Variants in EEFSEC observed in about 807,000 individuals in gnomAD.
EEFSEC encodes the protein eukaryotic elongation factor, selenocysteine-tRNA specific, also known as selenocysteine-specific elongation factor.
EEFSEC carries 43 observed loss-of-function variants against 42.1 expected under a neutral mutation model. The ratio of observed to expected loss-of-function variants is 1.02; its 90% confidence interval spans 0.80 to 1.32. EEFSEC has a LOEUF of 1.32. EEFSEC is among the 40% of genes most tolerant of loss of function. The pLI is 0.00. For synonymous variants in EEFSEC, 354 were observed against 339.1 expected (o/e 1.04, Z -0.48); for missense variants, 745 against 803.6 (o/e 0.93, Z 0.88).
chr3:128,290,491 G>A (rs1171714343), intron 4 of EEFSEC, among the ~76,000 whole-genome samples: 1 of 151,758 alleles, frequency 6.6e-6, no homozygotes, highest in Non-Finnish European at 1.5e-5. Context: ...TTGAAATGAG[G>A]TAATATGAAT....
chr3:128,158,991 T>A (rs1358004737), intron 1 of EEFSEC, among the ~76,000 whole-genome samples: 1 of 152,368 alleles, frequency 6.6e-6, no homozygotes, highest in East Asian at 1.9e-4. Context: ...GTAGGGAGAT[T>A]TATCTTCTTA....
At position 128,405,086 on chromosome 3, in the gene EEFSEC, G is replaced by A. The variant is rs573576330; in HGVS notation, c.1601-2983G>A. ...GGCTGGAGTGCAGTAGCGCAATCTCGGCTCACTGCAAGCTCCACCTCCCTG... is the reference window on the plus strand; with the variant it reads ...GGCTGGAGTGCAGTAGCGCAATCTCAGCTCACTGCAAGCTCCACCTCCCTG... On this transcript the variant is annotated intron_variant, in intron 6 of 6. Coordinates refer to ENST00000254730, the MANE Select transcript of EEFSEC (RefSeq NM_021937.5). Among the ~76,000 whole-genome samples, 135 of 151,118 alleles carry A rather than the reference G, an allele frequency of 8.9e-4. No homozygotes were observed. In the Middle Eastern group the frequency reaches 0.01, roughly 11 times the overall value.
chr3:128,403,869 T>G (rs1006949515), intron 6 of EEFSEC, among the ~76,000 whole-genome samples: 13 of 152,238 alleles, frequency 8.5e-5, no homozygotes, highest in African/African-American at 3.1e-4. Context: ...TGCTGTTTCC[T>G]TCGCCACCCT....
At chr3:128,357,017 A>C (rs1209660662) in intron 5 of EEFSEC, among the ~76,000 whole-genome samples, 1 of 152,228 alleles carries the variant, frequency 6.6e-6, no homozygotes, top group Non-Finnish European at 1.5e-5. Context: ...CATCAGCGGG[A>C]TGCATTCCTA....
At chr3:128,172,421 A>G (rs2065308249) in intron 1 of EEFSEC, among the ~76,000 whole-genome samples, 1 of 152,242 alleles carries the variant, frequency 6.6e-6, no homozygotes, top group Non-Finnish European at 1.5e-5. Flanking sequence ...AAAGATGTCC[A>G]TAAATAAAGC....
chr3:128,342,255 C>T (rs2067264036), intron 5 of EEFSEC, among the ~76,000 whole-genome samples: 1 of 152,262 alleles, frequency 6.6e-6, no homozygotes, highest in East Asian at 1.9e-4. Context: ...CCCTGGCCTG[C>T]TGCCCTGATC....
At chr3:128,376,390 C>G (rs1443739394) in intron 6 of EEFSEC, among the ~76,000 whole-genome samples, 2 of 152,214 alleles carry the variant, frequency 1.3e-5, no homozygotes, top group African/African-American at 2.4e-5. Context: ...CCTGCACAGC[C>G]ACAGCCCTTC....
chr3:128,318,161 T>G (rs902753795), intron 4 of EEFSEC, among the ~76,000 whole-genome samples: 2 of 152,198 alleles, frequency 1.3e-5, no homozygotes, highest in South Asian at 2.1e-4. Context: ...GCATGAAGCT[T>G]GCATGGCGCC....
At chr3:128,173,684 C>T (rs1375823404) in intron 1 of EEFSEC, among the ~76,000 whole-genome samples, 1 of 152,180 alleles carries the variant, frequency 6.6e-6, no homozygotes, top group Non-Finnish European at 1.5e-5. Context: ...TGTTCCTGCA[C>T]AGCCTATCTG....
chr3:128,219,183 C>A (rs1011988986), intron 1 of EEFSEC, among the ~76,000 whole-genome samples: 1 of 152,230 alleles, frequency 6.6e-6, no homozygotes, highest in African/African-American at 2.4e-5. Flanking sequence ...GCTATCCTGG[C>A]CCCAGCCACC....
intron 4 of EEFSEC, among the ~76,000 whole-genome samples, chr3:128,331,303 T>C (rs1365713869): frequency 8.4e-4 from 8 of 9,514 alleles, no homozygotes; most frequent in South Asian, 0.02. Context: ...TGCATCTCCC[T>C]TCTTCCCCCC....
At chr3:128,246,523 T>C (rs2066129358) in intron 1 of EEFSEC, among the ~76,000 whole-genome samples, 1 of 152,120 alleles carries the variant, frequency 6.6e-6, no homozygotes, top group Non-Finnish European at 1.5e-5. Context: ...AGTGATAGGA[T>C]TGGTGCAATA....
chr3:128,181,204 C>T (rs2065401885), intron 1 of EEFSEC, among the ~76,000 whole-genome samples: 1 of 152,220 alleles, frequency 6.6e-6, no homozygotes, highest in Non-Finnish European at 1.5e-5. Context: ...TAAGGGGCCC[C>T]ATCTTTTCCA....
intron 1 of EEFSEC, among the ~76,000 whole-genome samples, chr3:128,242,907 A>C (rs980502433): frequency 7.2e-5 from 11 of 152,164 alleles, no homozygotes; most frequent in African/African-American, 2.4e-4. Context: ...CTCTAGTCTC[A>C]GAGCGATTTT....
chr3:128,223,105 T>C (rs1458140645), intron 1 of EEFSEC, among the ~76,000 whole-genome samples: 2 of 152,208 alleles, frequency 1.3e-5, no homozygotes, highest in Non-Finnish European at 2.9e-5. Context: ...GTCATACCTA[T>C]GTAATGAAAC....
intron 5 of EEFSEC, among the ~76,000 whole-genome samples, chr3:128,351,443 T>C (rs767335525): frequency 3.3e-5 from 5 of 152,210 alleles, no homozygotes; most frequent in Non-Finnish European, 5.9e-5. Flanking sequence ...CTCAAGGTCA[T>C]AGAGCTGTAA....
chr3:128,341,435 A>G lies in EEFSEC; in HGVS notation c.989A>G (p.Gln330Arg), dbSNP rs1559929401. The change falls in exon 5 of 7, where the codon CAA becomes CGA. Residue 330 changes from glutamine to arginine, a missense_variant. Coordinates refer to ENST00000254730, the MANE Select transcript of EEFSEC (RefSeq NM_021937.5). ...EKIPYFRGPL[Q>R]TKAKFHITVG... is the part of the protein sequence containing the mutation. ...ATACCGTATTTCCGGGGGCCCCTGC[A>G]AACCAAGGCCAAGTTCCACATTACA... is the stretch of plus-strand genomic sequence containing the variant. 6.2e-7 allele frequency: 1 copy of G among 1,614,148 alleles called. No homozygotes were observed. The highest frequency in any genetic ancestry group is 8.5e-7 in the Non-Finnish European group (1 of 1,180,030).
chr3:128,210,961 C>T (rs2065749546), intron 1 of EEFSEC, among the ~76,000 whole-genome samples: 1 of 152,178 alleles, frequency 6.6e-6, no homozygotes, highest in Non-Finnish European at 1.5e-5. Context: ...TCGCCAACTG[C>T]CAAATGGCCT....
At chr3:128,183,650 T>C (rs1009115709) in intron 1 of EEFSEC, among the ~76,000 whole-genome samples, 3 of 152,212 alleles carry the variant, frequency 2.0e-5, no homozygotes, top group Non-Finnish European at 2.9e-5. Flanking sequence ...TACCTTCTCA[T>C]GGTATTGTGA....
Sources: gnomAD v4.1 joint callset for allele counts (sites outside exome capture counted in the v4.1 genomes callset) on GRCh38, gnomAD v4.1.1 for gene constraint, MANE v1.5 for transcripts, NCBI Gene and HGNC (gene_info 2026-07-23, HGNC 2026-07-21) for gene names.